Variants in ZFPM1 observed in about 807,000 individuals in gnomAD.
The protein encoded by ZFPM1 is zinc finger protein, FOG family member 1.
In ZFPM1, 28 loss-of-function variants were observed where a neutral mutation model predicts 46.3. The observed-to-expected ratio is 0.60, with a 90% confidence interval of 0.45 to 0.83. The LOEUF (loss-of-function observed/expected upper bound fraction) is 0.83, where lower values mean the gene tolerates loss of function less well. Among genes scored for constraint, ZFPM1 ranks in the 40% least tolerant of loss-of-function variants. The probability of loss-of-function intolerance (pLI) is 0.00; values close to 1 mark genes in which losing one functional copy is unlikely to be tolerated. For synonymous variants in ZFPM1, 957 were observed against 675.9 expected (o/e 1.42, Z -6.45); for missense variants, 1,878 against 1,432.4 (o/e 1.31, Z -5.02).
At chr16:88,502,264 G>T (rs959319229) in intron 3 of ZFPM1, among the ~76,000 whole-genome samples, 2 of 152,058 alleles carry the variant, frequency 1.3e-5, no homozygotes, top group Non-Finnish European at 2.9e-5. Flanking sequence ...CGAAAGGGCC[G>T]AGCAGGGCCT....
chr16:88,479,548 CCT>C (rs1441943848), intron 1 of ZFPM1, among the ~76,000 whole-genome samples: 1 of 152,136 alleles, frequency 6.6e-6, no homozygotes, highest in Non-Finnish European at 1.5e-5. Context: ...GTCCCCGTCT[CCT>C]CTCTGTCCCC....
At chr16:88,463,711 G>C (rs1012333322) in intron 1 of ZFPM1, among the ~76,000 whole-genome samples, 4 of 152,258 alleles carry the variant, frequency 2.6e-5, no homozygotes, top group Non-Finnish European at 5.9e-5. Flanking sequence ...CGAGAGGAGG[G>C]CAGCAGTGGT....
chr16:88,489,164 G>A lies in ZFPM1; in HGVS notation c.268+11G>A, dbSNP rs374014804. The A allele has an allele frequency of 3.0e-5, 47 of 1,586,982 alleles. No homozygotes were observed. Among genetic ancestry groups the A allele is most frequent in the African/African-American group, 6.8e-5 (5 of 73,944 alleles). The stretch of plus-strand genomic sequence containing the variant: ...CCTGGAGCGGGCCAGGTAACCACGC[G>A]GGTGGTGGGGGCAGCAGCATCGCCT... On this transcript the variant is annotated intron_variant, in intron 3 of 9. Coordinates refer to ENST00000319555, the MANE Select transcript of ZFPM1 (RefSeq NM_153813.3).
intron 4 of ZFPM1, among the ~76,000 whole-genome samples, chr16:88,521,589 C>CT (rs1911891502): frequency 7.1e-6 from 1 of 141,508 alleles, no homozygotes; most frequent in Non-Finnish European, 1.6e-5. Flanking sequence ...TCCCCCAACC[C>CT]ATGCTGTTCC....
At chr16:88,527,909 C>A (rs111628891) in intron 5 of ZFPM1, 123 bp from the exon 6 acceptor site, 75,389 of 1,001,760 alleles carry the variant, frequency 0.075, 4,152 homozygotes, top group African/African-American at 0.23. Context: ...GCCCTGGCAG[C>A]CAGCCAGCCA....
chr16:88,488,964 G>A, intron 2 of ZFPM1, 67 bp from the exon 3 acceptor site: 1 of 1,552,082 alleles, frequency 6.4e-7, no homozygotes, highest in Non-Finnish European at 8.7e-7. Context: ...ATCCTTCCCA[G>A]CTACAGGGAG....
intron 4 of ZFPM1, among the ~76,000 whole-genome samples, chr16:88,515,351 C>T (rs953828832): frequency 3.3e-5 from 5 of 152,308 alleles, no homozygotes; most frequent in South Asian, 2.1e-4. Context: ...TTTGCCAGGC[C>T]CTGGAGTCTC....
intron 1 of ZFPM1, among the ~76,000 whole-genome samples, chr16:88,453,978 C>T (rs1907416957): frequency 6.6e-6 from 1 of 152,172 alleles, no homozygotes; most frequent in Non-Finnish European, 1.5e-5. Flanking sequence ...GCCCCTCCCC[C>T]GCATCTGCGA....
intron 1 of ZFPM1, among the ~76,000 whole-genome samples, chr16:88,473,636 G>A (rs886517646): frequency 6.6e-5 from 10 of 152,100 alleles, no homozygotes; most frequent in Non-Finnish European, 1.0e-4. Context: ...CGATGGCTCC[G>A]TGAGCCGCGG....
chr16:88,504,538 C>T (rs1479501444), intron 3 of ZFPM1, among the ~76,000 whole-genome samples: 1 of 152,110 alleles, frequency 6.6e-6, no homozygotes. Context: ...TTTCAGACTC[C>T]TCAGCCCTGG....
rs549283551 is a variant in ZFPM1, at chr16:88,502,180, G to A, written c.269-12207G>A. On this transcript the variant is annotated intron_variant, in intron 3 of 9. Coordinates refer to ENST00000319555, the MANE Select transcript of ZFPM1 (RefSeq NM_153813.3). The stretch of plus-strand genomic sequence containing the variant: ...CTTTTCCATTACAGCGGCCGTGGAC[G>A]CAGCTGATAAGATCGGTCCCCGGAG... Among the ~76,000 whole-genome samples, 206 of 151,852 alleles carry A rather than the reference G, an allele frequency of 1.4e-3. 2 individuals carry two copies. The highest frequency in any genetic ancestry group is 4.4e-3 in the African/African-American group (183 of 41,386).
chr16:88,510,088 G>T (rs1910869359), intron 3 of ZFPM1, among the ~76,000 whole-genome samples: 1 of 152,110 alleles, frequency 6.6e-6, no homozygotes, highest in Non-Finnish European at 1.5e-5. Context: ...AGAGAGAATA[G>T]TGCTGGCTGC....
chr16:88,509,338 G>A (rs180788708), intron 3 of ZFPM1, among the ~76,000 whole-genome samples: 4 of 152,388 alleles, frequency 2.6e-5, no homozygotes, highest in South Asian at 2.1e-4. Context: ...CGGGCGGAGC[G>A]ATGGGGCCGA....
intron 3 of ZFPM1, among the ~76,000 whole-genome samples, chr16:88,493,661 G>A (rs563321555): frequency 6.7e-6 from 1 of 149,952 alleles, no homozygotes; most frequent in African/African-American, 2.5e-5. Context: ...CCCGGGGTGC[G>A]GGGAGCTGTC....
chr16:88,490,029 C>G (rs1909470205), intron 3 of ZFPM1, among the ~76,000 whole-genome samples: 1 of 151,538 alleles, frequency 6.6e-6, no homozygotes, highest in African/African-American at 2.4e-5. Flanking sequence ...GAGCCAGATG[C>G]ATGTACAGAT....
chr16:88,480,403 G>A lies in ZFPM1; in HGVS notation c.41-5536G>A, dbSNP rs1165567742. Among the ~76,000 whole-genome samples the A allele has an allele frequency of 1.3e-5, 2 of 152,314 alleles. No homozygotes were observed. Among genetic ancestry groups the A allele is most frequent in the East Asian group, 1.9e-4 (1 of 5,174 alleles). ...GGAAGAAGTGAGTGTGTGAGGGGAC[G>A]GGTGAGTGAGGGAGCGGATGAAAGA... On this transcript the variant is annotated intron_variant, in intron 1 of 9. Transcript: ENST00000319555. The surrounding 1 kb of genome is among the most constrained non-coding windows in gnomAD (Gnocchi z 4.9).
chr16:88,530,869 G>A (rs556753492), intron 6 of ZFPM1: 4 of 152,468 alleles, frequency 2.6e-5, no homozygotes, highest in Non-Finnish European at 5.9e-5. Context: ...AACAGCACAG[G>A]AGGGAGATGT....
In ZFPM1 at chr16:88,491,021, C is replaced by G. The variant is rs146781884; in HGVS notation, c.268+1868C>G. 5.1e-3 allele frequency among the ~76,000 whole-genome samples: 730 copies of G among 142,120 alleles called. 7 individuals carry two copies. Among genetic ancestry groups the G allele is most frequent in the African/African-American group, 0.018 (669 of 36,884 alleles). The allele number at this position is 142,120 out of a possible 152,430, so 93.2% of individuals were successfully genotyped here. A position where few individuals can be genotyped will look rare whatever the true frequency, so the allele number is the denominator to read the frequency against. ...CAGACAGGCGCTGGTGCCTTCGGGGCTCTCGGTCAGGCGCTGGTGCCTTCG... is the reference window on the plus strand; with the variant it reads ...CAGACAGGCGCTGGTGCCTTCGGGGGTCTCGGTCAGGCGCTGGTGCCTTCG... On this transcript the variant is annotated intron_variant, in intron 3 of 9. Transcript: ENST00000319555.
At chr16:88,486,737 C>T (rs1463808220) in intron 2 of ZFPM1, among the ~76,000 whole-genome samples, 1 of 147,364 alleles carries the variant, frequency 6.8e-6, no homozygotes, top group Non-Finnish European at 1.5e-5. Context: ...GCTGGGTGCA[C>T]AGCGGATGGG....
Sources: allele counts gnomAD v4.1 joint callset (sites outside exome capture counted in the v4.1 genomes callset), GRCh38; gene constraint gnomAD v4.1.1; non-coding constraint Gnocchi (gnomAD v3.1); transcripts MANE v1.5; gene names NCBI Gene and HGNC (gene_info 2026-07-23, HGNC 2026-07-21).